The following MANBA variants were observed in gnomAD, a reference collection of about 807,000 sequenced individuals.
MANBA encodes mannosidase beta, also known as beta-mannosidase.
A neutral mutation model predicts 111.1 loss-of-function variants in MANBA; 83 were observed. The observed-to-expected ratio is 0.75, with a 90% CI of 0.63 to 0.90. The LOEUF is 0.90. Ranked by LOEUF, MANBA falls within the 40% of genes least tolerant of loss-of-function variation. The pLI, the probability that MANBA is intolerant of heterozygous loss-of-function variation, is 0.00. For synonymous variants in MANBA, 370 were observed against 378.7 expected (o/e 0.98, Z 0.27); for missense variants, 1,036 against 1,069.0 (o/e 0.97, Z 0.43).
intron 13 of MANBA, among the ~76,000 whole-genome samples, chr4:102,646,786 T>A (rs772442736): frequency 4.0e-5 from 6 of 150,904 alleles, no homozygotes; most frequent in Non-Finnish European, 5.9e-5. Context: ...AGAGGGAGAG[T>A]AAAAGGTAAG....
chr4:102,663,387 T>A (rs771812599), intron 11 of MANBA, among the ~76,000 whole-genome samples: 2 of 152,192 alleles, frequency 1.3e-5, no homozygotes, highest in Non-Finnish European at 2.9e-5. Flanking sequence ...ACCACTATGC[T>A]ATAAAATGAA....
At chr4:102,639,883 A>G (rs1729804048) in intron 13 of MANBA, 26 bp from the exon 14 acceptor site, 1 of 1,613,334 alleles carries the variant, frequency 6.2e-7, no homozygotes, top group Non-Finnish European at 8.5e-7. Flanking sequence ...ATTCATACAC[A>G]GGTGTTATTG....
chr4:102,752,293 A>G (rs1723838277), intron 1 of MANBA: 1 of 1,344,206 alleles, frequency 7.4e-7, no homozygotes, highest in African/African-American at 1.4e-5. Context: ...TGTATTTCCC[A>G]TTCTCCAACT....
At chr4:102,664,311 A>T (rs1353498392) in intron 11 of MANBA, among the ~76,000 whole-genome samples, 1 of 151,930 alleles carries the variant, frequency 6.6e-6, no homozygotes, top group African/African-American at 2.4e-5. Context: ...CATAAAACAT[A>T]CTATACCAGT....
intron 1 of MANBA, among the ~76,000 whole-genome samples, chr4:102,747,005 T>C (rs922068386): frequency 1.9e-4 from 29 of 151,368 alleles, no homozygotes; most frequent in Non-Finnish European, 3.7e-4. Context: ...AAAGAACCTT[T>C]AGCATTTTTT....
chr4:102,697,413 A>T (rs1388860512), intron 5 of MANBA, among the ~76,000 whole-genome samples: 1 of 151,976 alleles, frequency 6.6e-6, no homozygotes, highest in Non-Finnish European at 1.5e-5. Context: ...TGTGCAGGTT[A>T]GTTACATATG....
chr4:102,669,853 G>T (rs906039647), intron 9 of MANBA, among the ~76,000 whole-genome samples: 1 of 152,110 alleles, frequency 6.6e-6, no homozygotes, highest in African/African-American at 2.4e-5. Flanking sequence ...GGTGGTGAGC[G>T]CCTGTGGTCC....
At chr4:102,658,138 A>G (rs1344299187) in intron 11 of MANBA, among the ~76,000 whole-genome samples, 4 of 152,178 alleles carry the variant, frequency 2.6e-5, no homozygotes, top group Non-Finnish European at 5.9e-5. Context: ...GCTGTTCTTA[A>G]TCTTTTCAAT....
At chr4:102,745,510 G>C (rs1052301516) in intron 1 of MANBA, among the ~76,000 whole-genome samples, 16 of 152,118 alleles carry the variant, frequency 1.1e-4, no homozygotes, top group Admixed American at 8.5e-4. Context: ...AGCTGGGATG[G>C]GTAGGTCCAA....
At chr4:102,745,546 A>T (rs1164526562) in intron 1 of MANBA, among the ~76,000 whole-genome samples, 1 of 152,122 alleles carries the variant, frequency 6.6e-6, no homozygotes, top group Non-Finnish European at 1.5e-5. Flanking sequence ...CCAGCATCCA[A>T]TCTCCCTAAA....
chr4:102,663,455 TA>T (rs1334776242), intron 11 of MANBA, among the ~76,000 whole-genome samples: 1 of 152,168 alleles, frequency 6.6e-6, no homozygotes, highest in Non-Finnish European at 1.5e-5. Flanking sequence ...ATATTGTGAA[TA>T]AAAAGATTAT....
intron 1 of MANBA, 102 bp from the exon 2 acceptor site, chr4:102,726,785 T>A: frequency 1.4e-6 from 1 of 713,906 alleles, no homozygotes; most frequent in Non-Finnish European, 2.5e-6. Context: ...ATTTATCACC[T>A]AAAAATTAAC....
intron 5 of MANBA, among the ~76,000 whole-genome samples, chr4:102,695,162 G>A (rs1281623747): frequency 6.6e-6 from 1 of 152,050 alleles, no homozygotes; most frequent in Non-Finnish European, 1.5e-5. Flanking sequence ...ATGTAGATGT[G>A]TCCAGTACAT....
chr4:102,728,737 C>T (rs1722908265), intron 1 of MANBA: 6 of 838,650 alleles, frequency 7.2e-6, no homozygotes, highest in Non-Finnish European at 9.3e-6. Context: ...GAGGGGCTGC[C>T]GCAGCTGTTC....
Position 102,658,569 on chromosome 4 carries a change from T to C in MANBA, c.1486-669A>G, listed in dbSNP as rs79608352. Among the ~76,000 whole-genome samples the C allele has an allele frequency of 1.9e-4, 29 of 152,340 alleles. No homozygotes were observed. In the East Asian group the frequency reaches 5.6e-3, roughly 29 times the overall value. Reference sequence around the variant, plus strand: ...ATAATAGTACCTCCTTTAGAGGTATTATAAATAGTAAATAACTCTCATGTG... The same window carrying C: ...ATAATAGTACCTCCTTTAGAGGTATCATAAATAGTAAATAACTCTCATGTG... On this transcript the variant is annotated intron_variant, in intron 11 of 16. Coordinates refer to ENST00000647097, the MANE Select transcript of MANBA (RefSeq NM_005908.4).
chr4:102,678,364 G>C lies in MANBA; in HGVS notation c.961-4294C>G, dbSNP rs17033138. 6.6e-5 allele frequency among the ~76,000 whole-genome samples: 10 copies of C among 152,026 alleles called. No homozygotes were observed. The South Asian group carries it at 2.1e-3, about 31-fold the overall frequency. On this transcript the variant is annotated intron_variant, in intron 7 of 16. Transcript: ENST00000647097. The stretch of plus-strand genomic sequence containing the variant: ...GTGTCAGTAATTTTCCACGTCCTCT[G>C]GCAGTCTTGATAGTCACATAAAAGC...
At chr4:102,683,988 T>C (rs1361754745) in intron 7 of MANBA, among the ~76,000 whole-genome samples, 3 of 152,074 alleles carry the variant, frequency 2.0e-5, no homozygotes, top group Admixed American at 2.0e-4. Flanking sequence ...CTCTCTCAAG[T>C]GTCTGCATTC....
chr4:102,741,443 A>G (rs1297530589), intron 1 of MANBA, among the ~76,000 whole-genome samples: 1 of 152,176 alleles, frequency 6.6e-6, no homozygotes, highest in Non-Finnish European at 1.5e-5. Context: ...CTGGGTACCT[A>G]CTCAGAGGAA....
At chr4:102,755,006 G>A (rs1723954581) in intron 1 of MANBA, among the ~76,000 whole-genome samples, 1 of 152,162 alleles carries the variant, frequency 6.6e-6, no homozygotes, top group Admixed American at 6.5e-5. Flanking sequence ...CCATGCTCAT[G>A]GATAGGAAGA....
Sources: gnomAD v4.1 joint callset for allele counts (sites outside exome capture counted in the v4.1 genomes callset) on GRCh38, gnomAD v4.1.1 for gene constraint, MANE v1.5 for transcripts, NCBI Gene and HGNC (gene_info 2026-07-23, HGNC 2026-07-21) for gene names.